TEX11: variants seen among roughly 807,000 people sequenced by gnomAD.
TEX11 encodes the protein testis expressed 11.
Under a neutral mutation model 84.4 loss-of-function variants are expected in TEX11, and 7 were observed. The ratio of observed to expected loss-of-function variants is 0.08; its 90% CI spans 0.05 to 0.16. TEX11 has a LOEUF of 0.16. TEX11 is among the 10% of genes least tolerant of loss of function. The pLI, the probability that TEX11 is intolerant of heterozygous loss-of-function variation, is 1.00. For missense variants in TEX11, 551 were observed against 660.5 expected (o/e 0.83, Z 1.82); for synonymous variants, 264 against 222.8 (o/e 1.18, Z -1.64).
At chrX:70,864,741 CAAAAAAAA>C (rs1158189701) in intron 4 of TEX11, among the ~76,000 whole-genome samples, 1 of 36,064 alleles carries the variant, frequency 2.8e-5, no homozygotes, top group Non-Finnish European at 5.8e-5. Context: ...GATGCCATCT[CAAAAAAAA>C]AAAAAAAAAA....
chrX:70,591,657 T>G, intron 25 of TEX11, 94 bp downstream of exon 25: 1 of 623,404 alleles, frequency 1.6e-6, no homozygotes, highest in Non-Finnish European at 2.6e-6. Flanking sequence ...TATCAAGTAC[T>G]GCAGTGGCAC....
chrX:70,550,821 C>T (rs1319913888), intron 28 of TEX11, among the ~76,000 whole-genome samples: 1 of 111,559 alleles, frequency 9.0e-6, no homozygotes, highest in African/African-American at 3.3e-5. Flanking sequence ...ATTAGTACAA[C>T]CACTATGGAG....
rs1220514373 is a variant in TEX11, at chrX:70,560,819, C to T, written c.2141-6019G>A. Among the ~76,000 whole-genome samples, 5 of 106,090 alleles carry T rather than the reference C, an allele frequency of 4.7e-5. No individual in the cohort carries two copies. In the Admixed American group the frequency reaches 5.2e-4, roughly 11 times the overall value. 92.1% of individuals were successfully genotyped at this position (106,090 alleles called of 115,157 possible). A position where few individuals can be genotyped will look rare whatever the true frequency, so the allele number is the denominator to read the frequency against. ...CTCACTGTAACCTCAAATTCCTGGG[C>T]TCAAGTGATCTTCTTGCCTCAGCCT... is the stretch of plus-strand genomic sequence containing the variant. On this transcript the variant is annotated intron_variant, in intron 25 of 29. Coordinates refer to ENST00000374333, the MANE Select transcript of TEX11 (RefSeq NM_031276.3).
intron 8 of TEX11, among the ~76,000 whole-genome samples, chrX:70,814,824 C>G (rs749525167): frequency 1.8e-4 from 20 of 112,147 alleles, no homozygotes; most frequent in Admixed American, 1.3e-3. Context: ...CTAGAAGAAA[C>G]TAAAGATAGA....
At chrX:70,716,809 C>A (rs748190141) in intron 13 of TEX11, among the ~76,000 whole-genome samples, 1 of 111,874 alleles carries the variant, frequency 8.9e-6, no homozygotes, top group African/African-American at 3.2e-5. Context: ...TCCAACACTC[C>A]CCAGTGAGAT....
At position 70,623,560 on chromosome X, in the gene TEX11, G is replaced by A. The variant is rs112053467; in HGVS notation, c.1751+390C>T. Reference sequence around the variant, plus strand: ...GATGCAATATCATAATTCTATCATAGATAACATTATTGAGGGCTTATTAAG... The same window carrying A: ...GATGCAATATCATAATTCTATCATAAATAACATTATTGAGGGCTTATTAAG... On this transcript the variant is annotated intron_variant, in intron 20 of 29. Transcript: ENST00000374333. 8.8e-3 allele frequency among the ~76,000 whole-genome samples: 982 copies of A among 111,817 alleles called. 8 individuals are homozygous for A. The highest frequency in any genetic ancestry group is 0.029 in the African/African-American group (891 of 30,824).
intron 20 of TEX11, among the ~76,000 whole-genome samples, chrX:70,616,542 TAGTC>T: frequency 9.0e-6 from 1 of 111,202 alleles, no homozygotes; most frequent in East Asian, 2.8e-4. Context: ...AAGGAAGAGA[TAGTC>T]AGTACATCAA....
At chrX:70,878,232 G>T (rs1357682149) in intron 3 of TEX11, among the ~76,000 whole-genome samples, 1 of 102,556 alleles carries the variant, frequency 9.8e-6, no homozygotes, top group Non-Finnish European at 2.0e-5. Context: ...GAGTGCAGTG[G>T]TGCAATCTCG....
chrX:70,840,455 G>A (rs1308660784), intron 7 of TEX11, among the ~76,000 whole-genome samples: 1 of 111,547 alleles, frequency 9.0e-6, no homozygotes, highest in Admixed American at 9.6e-5. Context: ...CACCAGGCCT[G>A]CCCTAAAAGA....
At chrX:70,702,378 G>A (rs1057246036) in intron 13 of TEX11, among the ~76,000 whole-genome samples, 4 of 111,441 alleles carry the variant, frequency 3.6e-5, no homozygotes, top group African/African-American at 9.8e-5. Flanking sequence ...TAGCAATAAC[G>A]TATTTTAAAA....
chrX:70,575,237 A>G (rs981515239), intron 25 of TEX11, among the ~76,000 whole-genome samples: 34 of 111,554 alleles, frequency 3.0e-4, no homozygotes, highest in African/African-American at 1.1e-3. Flanking sequence ...GACATGAGAT[A>G]GCTTGGAACT....
intron 25 of TEX11, among the ~76,000 whole-genome samples, chrX:70,560,039 T>C (rs1451246512): frequency 1.8e-5 from 2 of 111,383 alleles, no homozygotes; most frequent in Non-Finnish European, 3.8e-5. Context: ...GTCATTTCAG[T>C]GAGGGTGCAG....
At chrX:70,567,147 C>A (rs1231724008) in intron 25 of TEX11, among the ~76,000 whole-genome samples, 1 of 110,835 alleles carries the variant, frequency 9.0e-6, no homozygotes, top group Non-Finnish European at 1.9e-5. Context: ...GTGTATGTGT[C>A]GAGGAATTTA....
chrX:70,602,360 A>T (rs142962706), intron 24 of TEX11, among the ~76,000 whole-genome samples: 2 of 106,440 alleles, frequency 1.9e-5, no homozygotes, highest in Non-Finnish European at 3.9e-5. Flanking sequence ...ACCATGATCA[A>T]GTGGGCTTCA....
chrX:70,908,467 A>G (rs1024642331), intron 1 of TEX11, among the ~76,000 whole-genome samples, 187 bp downstream of exon 1: 4 of 112,476 alleles, frequency 3.6e-5, no homozygotes, highest in African/African-American at 1.3e-4. Flanking sequence ...GTCCAAAAAC[A>G]TTACATTTGC....
At chrX:70,837,941 G>A (rs1312291511) in intron 7 of TEX11, among the ~76,000 whole-genome samples, 1 of 111,666 alleles carries the variant, frequency 9.0e-6, no homozygotes, top group African/African-American at 3.3e-5. Flanking sequence ...TGTAAAACTG[G>A]TGAAATCTAA....
chrX:70,858,764 G>C (rs776590500), intron 5 of TEX11, among the ~76,000 whole-genome samples: 1 of 111,853 alleles, frequency 8.9e-6, no homozygotes, highest in Admixed American at 9.5e-5. Context: ...TTGGCCAGGC[G>C]CGGTGGCTCA....
intron 17 of TEX11, among the ~76,000 whole-genome samples, chrX:70,633,646 A>C (rs1216807736): frequency 1.8e-5 from 2 of 112,471 alleles, no homozygotes; most frequent in African/African-American, 6.5e-5. Context: ...GGGCTGGTGC[A>C]GTAGCTCATG....
chrX:70,685,007 T>C (rs1474534396), intron 13 of TEX11, among the ~76,000 whole-genome samples: 2 of 111,207 alleles, frequency 1.8e-5, no homozygotes, highest in Non-Finnish European at 3.8e-5. Context: ...AAAAACCAAG[T>C]ATATATAGCC....
Sources: gnomAD v4.1 joint callset for allele counts (sites outside exome capture counted in the v4.1 genomes callset) on GRCh38, gnomAD v4.1.1 for gene constraint, MANE v1.5 for transcripts, NCBI Gene and HGNC (gene_info 2026-07-23, HGNC 2026-07-21) for gene names.